DZIP3: variants seen among roughly 807,000 people sequenced by gnomAD.
DZIP3 encodes E3 ubiquitin-protein ligase DZIP3.
In DZIP3, 118 loss-of-function variants were observed where a neutral mutation model predicts 162.0. The observed-to-expected ratio is 0.73, with a 90% CI of 0.63 to 0.85. The LOEUF (loss-of-function observed/expected upper bound fraction) is 0.85, where lower values mean the gene tolerates loss of function less well. Ranked by LOEUF, DZIP3 falls within the 40% of genes least tolerant of loss-of-function variation. DZIP3 has a pLI of 0.00. For synonymous variants in DZIP3, 438 were observed against 458.6 expected, an observed-to-expected ratio of 0.96 and a Z score of 0.57; for missense variants, 1,331 against 1,407.0, an observed-to-expected ratio of 0.95 and a Z score of 0.86.
chr3:108,606,837 G>A (rs3100638), intron 2 of DZIP3, among the ~76,000 whole-genome samples: 44,760 of 152,064 alleles, frequency 0.29, 7,195 homozygotes, highest in Non-Finnish European at 0.37. Flanking sequence ...CAGAAGACAT[G>A]AAGTAGGTTT....
intron 18 of DZIP3, among the ~76,000 whole-genome samples, chr3:108,653,505 G>GTATATA (rs1216334552): frequency 4.0e-3 from 268 of 67,676 alleles, no homozygotes; most frequent in African/African-American, 0.013. Context: ...TTGTGTGTGT[G>GTATATA]TGTATATATA....
chr3:108,649,837 A>C (rs1942787215), intron 17 of DZIP3, among the ~76,000 whole-genome samples: 1 of 151,898 alleles, frequency 6.6e-6, no homozygotes, highest in Admixed American at 6.6e-5. Context: ...TCATTGTTAT[A>C]TTTAACAATC....
intron 21 of DZIP3, among the ~76,000 whole-genome samples, chr3:108,666,815 CAA>C (rs1457425304): frequency 6.6e-6 from 1 of 151,936 alleles, no homozygotes; most frequent in Non-Finnish European, 1.5e-5. Flanking sequence ...GAAGAGCTCT[CAA>C]GAGAAAATAC....
chr3:108,685,874 G>A (rs377291407), intron 27 of DZIP3, among the ~76,000 whole-genome samples: 40 of 152,180 alleles, frequency 2.6e-4, no homozygotes, highest in South Asian at 2.1e-3. Context: ...ACCTTTCTCC[G>A]TGTATACATA....
intron 19 of DZIP3, among the ~76,000 whole-genome samples, chr3:108,657,004 C>G (rs199799441): frequency 0.036 from 5,418 of 152,244 alleles, 412 homozygotes; most frequent in East Asian, 0.35. Flanking sequence ...AAATCTACGT[C>G]TGATTGGTGT....
intron 21 of DZIP3, among the ~76,000 whole-genome samples, chr3:108,668,536 G>T (rs185415616): frequency 6.6e-5 from 10 of 152,068 alleles, no homozygotes; most frequent in Admixed American, 6.6e-4. Flanking sequence ...AAATATTGAA[G>T]TAATGGAAGT....
In DZIP3 at chr3:108,634,858, TA is replaced by T. The variant is rs774054237; in HGVS notation, c.817-12del. ...CATGTCCTTATTGATAACTTACTTT[TA>T]TTTTTTTCCAGGGATTTTTTCAGTT... On this transcript the variant is annotated splice_polypyrimidine_tract_variant and intron_variant, in intron 9 of 32. Transcript: ENST00000361582. 3.8e-6 allele frequency: 6 copies of T among 1,573,882 alleles called. No homozygotes were observed. The Admixed American group carries it at 5.2e-5, about 14-fold the overall frequency.
intron 8 of DZIP3, among the ~76,000 whole-genome samples, chr3:108,631,047 A>ACTCTCTCTCTCTCT (rs1206915511): frequency 1.5e-4 from 11 of 72,478 alleles, no homozygotes; most frequent in Non-Finnish European, 2.1e-4. Context: ...ACACACACAC[A>ACTCTCTCTCTCTCT]CACACACACT....
chr3:108,595,281 G>C (rs1939650628), intron 1 of DZIP3, among the ~76,000 whole-genome samples: 1 of 152,142 alleles, frequency 6.6e-6, no homozygotes, highest in South Asian at 2.1e-4. Flanking sequence ...GCAGTGGCAT[G>C]ATTAATAGCT....
intron 1 of DZIP3, among the ~76,000 whole-genome samples, chr3:108,601,493 G>A (rs1576342381): frequency 6.6e-6 from 1 of 152,182 alleles, no homozygotes; most frequent in East Asian, 1.9e-4. Context: ...TTTGTTTTAA[G>A]TTAGTAGCGT....
intron 1 of DZIP3, among the ~76,000 whole-genome samples, chr3:108,604,934 G>A (rs1940248521): frequency 6.6e-6 from 1 of 152,002 alleles, no homozygotes; most frequent in Admixed American, 6.6e-5. Flanking sequence ...GTTTATCATG[G>A]AACTATTTAT....
intron 8 of DZIP3, among the ~76,000 whole-genome samples, chr3:108,632,299 G>C (rs1367980424): frequency 6.6e-6 from 1 of 151,872 alleles, no homozygotes; most frequent in East Asian, 1.9e-4. Context: ...CAGTGAAATG[G>C]TGCTACCATA....
chr3:108,682,898 GAAAATA>G (rs1411728941), intron 26 of DZIP3, among the ~76,000 whole-genome samples: 2 of 150,696 alleles, frequency 1.3e-5, no homozygotes, highest in Admixed American at 6.6e-5. Context: ...TGTGTCCATT[GAAAATA>G]AAAATAAAGT....
chr3:108,657,952 T>TATATGCACCCA (rs1220259694), intron 19 of DZIP3, among the ~76,000 whole-genome samples: 1 of 152,178 alleles, frequency 6.6e-6, no homozygotes, highest in Admixed American at 6.5e-5. Context: ...ATCCTAAATA[T>TATATGCACCCA]ATATGCACCC....
intron 13 of DZIP3, among the ~76,000 whole-genome samples, chr3:108,643,908 T>C (rs929408137): frequency 2.6e-5 from 4 of 152,260 alleles, no homozygotes; most frequent in African/African-American, 9.6e-5. Flanking sequence ...GAACAAAACC[T>C]TGGATGACTG....
At chr3:108,631,053 A>ACACACACACACT in intron 8 of DZIP3, among the ~76,000 whole-genome samples, 1 of 32,282 alleles carries the variant, frequency 3.1e-5, no homozygotes, top group East Asian at 2.0e-3. Context: ...ACACACACAC[A>ACACACACACACT]CACTCTCTCT....
chr3:108,616,544 G>A lies in DZIP3; in HGVS notation c.262G>A (p.Glu88Lys), dbSNP rs1369285490. The A allele has an allele frequency of 6.2e-7, 1 of 1,603,338 alleles. No homozygotes were observed. Among genetic ancestry groups the A allele is most frequent in the East Asian group, 2.3e-5 (1 of 44,286 alleles). Residue 88 changes from glutamate to lysine, a missense_variant, in exon 5 of 33, where the codon GAA becomes AAA. By Grantham distance (56) the Glu-to-Lys change is moderately conservative. This residue lies in a region of DZIP3 where 1,278 missense variants were observed against 1,317.1 expected (regional missense o/e 0.97). Coordinates refer to ENST00000361582, the MANE Select transcript of DZIP3 (RefSeq NM_014648.4). ...TTAACTGAATAATTTTCCACAGAGA[G>A]AAGTTGCAGCTAACAGCCAGAATGG... ...EDFSFQTMQR[E>K]VAANSQNGEE...
chr3:108,676,856 C>A (rs1215579377), intron 25 of DZIP3, among the ~76,000 whole-genome samples: 2 of 152,086 alleles, frequency 1.3e-5, no homozygotes, highest in Non-Finnish European at 2.9e-5. Flanking sequence ...CTTTCCTTCC[C>A]AGTTCCTACG....
chr3:108,634,549 G>A (rs1942050322), intron 9 of DZIP3, among the ~76,000 whole-genome samples: 1 of 152,082 alleles, frequency 6.6e-6, no homozygotes, highest in Admixed American at 6.6e-5. Context: ...TGTAAAAATG[G>A]AGATGAAGAT....
Sources: allele counts gnomAD v4.1 joint callset (sites outside exome capture counted in the v4.1 genomes callset), GRCh38; gene constraint gnomAD v4.1.1; regional missense constraint gnomAD v4.1.1; transcripts MANE v1.5; gene names NCBI Gene and HGNC (gene_info 2026-07-23, HGNC 2026-07-21).